The following PACRG variants were observed in gnomAD, a reference collection of about 807,000 sequenced individuals.
PACRG encodes parkin coregulated, also known as parkin coregulated gene protein.
Under a neutral mutation model 29.7 loss-of-function variants are expected in PACRG, and 29 were observed. The observed-to-expected ratio is 0.98, with a 90% confidence interval of 0.73 to 1.33. PACRG has a LOEUF of 1.33. Among genes scored for constraint, PACRG ranks in the 40% most tolerant of loss-of-function variants. The pLI is 0.00. For synonymous variants in PACRG, 116 were observed against 118.7 expected (o/e 0.98, Z 0.15); for missense variants, 279 against 316.2 (o/e 0.88, Z 0.89).
chr6:163,166,730 A>G (rs2128344413), intron 4 of PACRG, among the ~76,000 whole-genome samples: 1 of 152,350 alleles, frequency 6.6e-6, no homozygotes, highest in African/African-American at 2.4e-5. Context: ...CTGTGCTGGT[A>G]GGGGATATGT....
intron 2 of PACRG, among the ~76,000 whole-genome samples, chr6:162,837,993 TTAGAAAAATTAGATAATA>T (rs1300494593): frequency 1.3e-5 from 2 of 152,130 alleles, no homozygotes; most frequent in Non-Finnish European, 2.9e-5. Context: ...CATATTTATT[TTAGAAAAATTAGATAATA>T]TAGAAAAATG....
At chr6:163,306,327 G>A (rs368558720) in intron 4 of PACRG, among the ~76,000 whole-genome samples, 2 of 152,260 alleles carry the variant, frequency 1.3e-5, no homozygotes, top group East Asian at 3.9e-4. Flanking sequence ...AAAGAGATGA[G>A]CTTTTACTTC....
rs529759582 is a variant in PACRG at position 162,781,138 on chromosome 6, CAT to C, written c.157-33007_157-33006del. ...GTAATAAGGAGAACATCTTAACAGA[CAT>C]AGAAAAAATGACACAATGTAAATAA... On this transcript the variant is annotated intron_variant, in intron 1 of 4. Transcript: ENST00000366888. 1.1e-4 allele frequency among the ~76,000 whole-genome samples: 17 copies of C among 151,940 alleles called. No individual in the cohort carries two copies. The East Asian group carries it at 2.9e-3, about 26-fold the overall frequency.
At chr6:163,009,328 A>G (rs1805407096) in intron 2 of PACRG, among the ~76,000 whole-genome samples, 1 of 152,222 alleles carries the variant, frequency 6.6e-6, no homozygotes, top group African/African-American at 2.4e-5. Flanking sequence ...ATCCTGTGCA[A>G]AGCTTTCACT....
At chr6:162,792,303 A>G (rs1005982837) in intron 1 of PACRG, among the ~76,000 whole-genome samples, 3 of 152,174 alleles carry the variant, frequency 2.0e-5, no homozygotes, top group African/African-American at 7.2e-5. Context: ...GCAGGAGGGC[A>G]GAAATAGGAG....
intron 4 of PACRG, among the ~76,000 whole-genome samples, chr6:163,292,007 C>A (rs1784625870): frequency 6.6e-6 from 1 of 152,058 alleles, no homozygotes; most frequent in Non-Finnish European, 1.5e-5. Context: ...GAAGGTTTTC[C>A]CCAGTGGAGA....
chr6:162,774,948 G>T (rs1783525439), intron 1 of PACRG, among the ~76,000 whole-genome samples: 1 of 152,134 alleles, frequency 6.6e-6, no homozygotes, highest in South Asian at 2.1e-4. Flanking sequence ...ACGGTGCTCT[G>T]CATATAACAG....
chr6:162,906,795 T>C (rs1795964286), intron 2 of PACRG, among the ~76,000 whole-genome samples: 1 of 152,222 alleles, frequency 6.6e-6, no homozygotes, highest in Non-Finnish European at 1.5e-5. Flanking sequence ...CTAGCTTTCA[T>C]TCAAATCTCT....
intron 2 of PACRG, among the ~76,000 whole-genome samples, chr6:162,966,276 A>T (rs575442525): frequency 6.6e-6 from 1 of 152,174 alleles, no homozygotes; most frequent in Non-Finnish European, 1.5e-5. Context: ...GCCCCATGGC[A>T]CTTGGTGCCT....
rs1464097529 is a variant in PACRG, at chr6:162,950,567, C to T, written c.292-111583C>T. ...GTAGTTGAACAGATCATATTTTGTA[C>T]AGTGAATTTCATGCCTTCTCATCTC... On this transcript the variant is annotated intron_variant, in intron 2 of 4. Coordinates refer to ENST00000366888, the MANE Select transcript of PACRG (RefSeq NM_001080379.2). Among the ~76,000 whole-genome samples, 11 of 152,192 alleles carry T rather than the reference C, an allele frequency of 7.2e-5. No homozygotes were observed. The East Asian group carries it at 1.9e-3, about 27-fold the overall frequency.
intron 2 of PACRG, among the ~76,000 whole-genome samples, chr6:163,030,817 C>T (rs987613410): frequency 1.3e-5 from 2 of 152,196 alleles, no homozygotes; most frequent in Admixed American, 6.5e-5. Flanking sequence ...GGGAATGTAG[C>T]AGTGAGGACG....
At chr6:163,157,689 A>T (rs989285339) in intron 4 of PACRG, among the ~76,000 whole-genome samples, 2 of 152,220 alleles carry the variant, frequency 1.3e-5, no homozygotes, top group African/African-American at 4.8e-5. Context: ...AGAATGAAAA[A>T]GGACACGAAC....
chr6:163,209,837 C>CT (rs1781062486), intron 4 of PACRG, among the ~76,000 whole-genome samples: 1 of 152,056 alleles, frequency 6.6e-6, no homozygotes, highest in African/African-American at 2.4e-5. Context: ...TTTATTTTAC[C>CT]TTCACATTCT....
rs1456406648 is a variant in PACRG, at chr6:163,203,010, G to T, written c.614-111817G>T. On this transcript the variant is annotated intron_variant, in intron 4 of 4. Transcript: ENST00000366888. ...AGGGGCTGTGGGGGAAGCACCTTCGGTTGCCTGCTTGCCACAGCTGCTAGT... is the reference window on the plus strand; with the variant it reads ...AGGGGCTGTGGGGGAAGCACCTTCGTTTGCCTGCTTGCCACAGCTGCTAGT... Among the ~76,000 whole-genome samples the T allele has an allele frequency of 3.3e-5, 5 of 152,288 alleles. 1 individual carries two copies. The highest frequency in any genetic ancestry group is 1.2e-4 in the African/African-American group (5 of 41,560).
chr6:162,814,653 G>A (rs1231738519), intron 2 of PACRG, among the ~76,000 whole-genome samples: 1 of 152,080 alleles, frequency 6.6e-6, no homozygotes, highest in African/African-American at 2.4e-5. Context: ...CTTCCTGCAG[G>A]ACACTTCCAA....
intron 4 of PACRG, among the ~76,000 whole-genome samples, chr6:163,157,571 G>A (rs375410339): frequency 1.4e-3 from 214 of 152,284 alleles, no homozygotes; most frequent in African/African-American, 4.8e-3. Context: ...GCAGATGAAC[G>A]CACATTAGGC....
intron 1 of PACRG, among the ~76,000 whole-genome samples, chr6:162,753,780 C>T (rs1459090157): frequency 6.6e-6 from 1 of 152,150 alleles, no homozygotes; most frequent in South Asian, 2.1e-4. Flanking sequence ...ACATGCCTTG[C>T]TTCCCCTTCA....
chr6:162,993,069 C>T (rs1389488269), intron 2 of PACRG, among the ~76,000 whole-genome samples: 3 of 142,998 alleles, frequency 2.1e-5, no homozygotes, highest in African/African-American at 5.2e-5. Context: ...GATTCTTAAT[C>T]CTGAGTTCTA....
chr6:162,838,086 T>A (rs1181989397), intron 2 of PACRG, among the ~76,000 whole-genome samples: 1 of 152,196 alleles, frequency 6.6e-6, no homozygotes, highest in Non-Finnish European at 1.5e-5. Flanking sequence ...CAGATTTTCT[T>A]CCATATTATT....
Sources: gnomAD v4.1 joint callset for allele counts (sites outside exome capture counted in the v4.1 genomes callset) on GRCh38, gnomAD v4.1.1 for gene constraint, MANE v1.5 for transcripts, NCBI Gene and HGNC (gene_info 2026-07-23, HGNC 2026-07-21) for gene names.